TMEM94: variants seen among roughly 807,000 people sequenced by gnomAD.
The protein encoded by TMEM94 is transmembrane protein 94.
Under a neutral mutation model 158.6 loss-of-function variants are expected in TMEM94, and 81 were observed. The ratio of observed to expected loss-of-function variants is 0.51; its 90% CI spans 0.43 to 0.61. The LOEUF (loss-of-function observed/expected upper bound fraction) is 0.61, where lower values mean the gene tolerates loss of function less well. Among genes scored for constraint, TMEM94 ranks in the 20% least tolerant of loss-of-function variants. The probability of loss-of-function intolerance (pLI) is 0.00; values close to 1 mark genes in which losing one functional copy is unlikely to be tolerated. For missense variants in TMEM94, 1,435 were observed against 1,762.0 expected (o/e 0.81, Z 3.32); for synonymous variants, 751 against 730.7 (o/e 1.03, Z -0.45).
chr17:75,488,655 A>T, intron 6 of TMEM94, 104 bp from the exon 7 acceptor site: 1 of 1,379,966 alleles, frequency 7.2e-7, no homozygotes, highest in Non-Finnish European at 1.0e-6. Flanking sequence ...GGGCTAACTG[A>T]TGGCTCCTAA....
Position 75,499,496 on chromosome 17 carries a change from C to T in TMEM94, c.*162C>T. 1 of 676,230 alleles carries T rather than the reference C, an allele frequency of 1.5e-6. No individual in the cohort carries two copies. Among genetic ancestry groups the T allele is most frequent in the Non-Finnish European group, 2.5e-6 (1 of 397,226 alleles). 41.9% of individuals were successfully genotyped at this position (676,230 alleles called of 1,614,324 possible). ...GTCAGACCCCGCTGTCTTCCTGAGC[C>T]CTGGGGCTCACTGTGGAGGAGCTGA... On this transcript the variant is annotated 3_prime_UTR_variant, in exon 32 of 32. Coordinates refer to ENST00000314256, the MANE Select transcript of TMEM94 (RefSeq NM_014738.6).
At chr17:75,486,954 C>G (rs1405333191) in intron 5 of TMEM94, among the ~76,000 whole-genome samples, 1 of 152,098 alleles carries the variant, frequency 6.6e-6, no homozygotes, top group Non-Finnish European at 1.5e-5. Context: ...TGTTGAGGCT[C>G]TTTTGAGGGA....
In TMEM94 at chr17:75,498,862, G is replaced by A; in HGVS notation, c.3828-50G>A. 6.6e-7 allele frequency: 1 copy of A among 1,525,478 alleles called. No individual in the cohort carries two copies. The highest frequency in any genetic ancestry group is 8.8e-7 in the Non-Finnish European group (1 of 1,136,524). The allele number at this position is 1,525,478 out of a possible 1,614,324, so 94.5% of individuals were successfully genotyped here. A position where few individuals can be genotyped will look rare whatever the true frequency, so the allele number is the denominator to read the frequency against. On this transcript the variant is annotated intron_variant, in intron 30 of 31. Coordinates refer to ENST00000314256, the MANE Select transcript of TMEM94 (RefSeq NM_014738.6). The surrounding 1 kb of genome is among the most constrained non-coding windows in gnomAD (Gnocchi z 6.7). ...CTAACTGTTGTACTGGGAAGAGCAG[G>A]GAAGGAAGCAAGCAGTGTCGGGTTC...
At chr17:75,488,255 G>C in intron 6 of TMEM94, 121 bp downstream of exon 6, 1 of 880,152 alleles carries the variant, frequency 1.1e-6, no homozygotes, top group Non-Finnish European at 1.8e-6. Flanking sequence ...TTTGGCAGAG[G>C]CTCTGGAACA....
chr17:75,476,783 T>G, intron 2 of TMEM94: 2 of 1,535,526 alleles, frequency 1.3e-6, no homozygotes, highest in Non-Finnish European at 1.7e-6. Flanking sequence ...CTCTTTAAAA[T>G]GCTGTGTTCC....
chr17:75,456,875 T>C (rs34042490), intron 1 of TMEM94, 124 bp downstream of exon 1: 97,012 of 152,376 alleles, frequency 0.64, 34,465 homozygotes, highest in Non-Finnish European at 0.81. Context: ...AGAGAACGGC[T>C]TAAGGGGATG....
At chr17:75,483,907 T>C (rs2051371019) in intron 2 of TMEM94, among the ~76,000 whole-genome samples, 2 of 152,116 alleles carry the variant, frequency 1.3e-5, no homozygotes, top group South Asian at 2.1e-4. Context: ...TCTGTGACTG[T>C]GGATGAGGTT....
chr17:75,488,169 G>C, intron 6 of TMEM94, 35 bp downstream of exon 6: 1 of 1,602,800 alleles, frequency 6.2e-7, no homozygotes, highest in South Asian at 1.1e-5. Context: ...TTGGAAATGC[G>C]GTGGGAACAT....
chr17:75,493,935 C>T lies in TMEM94; in HGVS notation c.2407+19C>T. ...TCTGACGGTACCTCATGGGTCTGTC[C>T]AGCGGGGCTGGTGCTGGGGCTCCCC... On this transcript the variant is annotated intron_variant, in intron 18 of 31. Coordinates refer to ENST00000314256, the MANE Select transcript of TMEM94 (RefSeq NM_014738.6). The T allele has an allele frequency of 6.3e-7, 1 of 1,597,800 alleles. No homozygotes were observed. Among genetic ancestry groups the T allele is most frequent in the South Asian group, 1.1e-5 (1 of 90,838 alleles).
intron 1 of TMEM94, among the ~76,000 whole-genome samples, chr17:75,459,284 ATCT>A (rs1305324506): frequency 2.0e-5 from 3 of 152,130 alleles, no homozygotes; most frequent in African/African-American, 7.2e-5. Flanking sequence ...AGTACAAACC[ATCT>A]TCTTCATCAT....
At chr17:75,461,120 A>G (rs2050052258) in intron 1 of TMEM94, among the ~76,000 whole-genome samples, 1 of 104,522 alleles carries the variant, frequency 9.6e-6, no homozygotes, top group South Asian at 2.9e-4. Flanking sequence ...TTTTTTTGAG[A>G]CAGAGTTTTG....
At chr17:75,490,154 T>C in intron 9 of TMEM94, 80 bp from the exon 10 acceptor site, 1 of 1,551,512 alleles carries the variant, frequency 6.4e-7, no homozygotes, top group African/African-American at 1.4e-5. Flanking sequence ...GGAATGGCCG[T>C]GGGGCCAGGG....
At chr17:75,467,687 C>T (rs1367700140) in intron 1 of TMEM94, among the ~76,000 whole-genome samples, 10 of 151,214 alleles carry the variant, frequency 6.6e-5, no homozygotes, top group African/African-American at 2.2e-4. Context: ...CGCCCGCCAC[C>T]GCGCCCGGCT....
chr17:75,484,118 C>T (rs1402850234), intron 2 of TMEM94, among the ~76,000 whole-genome samples: 1 of 152,200 alleles, frequency 6.6e-6, no homozygotes, highest in African/African-American at 2.4e-5. Context: ...CTGTCCACAC[C>T]TTGTCCCATT....
rs2052105603 is a variant in TMEM94, at chr17:75,490,815, G to T, written c.1128+57G>T. ...CAGGTCCCTAGAGCCATAACCCTGG[G>T]ACTCCCCTATTTATGGCCTTAAAGC... On this transcript the variant is annotated intron_variant, in intron 11 of 31. Coordinates refer to ENST00000314256, the MANE Select transcript of TMEM94 (RefSeq NM_014738.6). 19 of 1,517,470 alleles carry T rather than the reference G, an allele frequency of 1.3e-5. No individual in the cohort carries two copies. The South Asian group carries it at 2.0e-4, about 16-fold the overall frequency. The allele number at this position is 1,517,470 out of a possible 1,614,324, so 94.0% of individuals were successfully genotyped here. A position where few individuals can be genotyped will look rare whatever the true frequency, so the allele number is the denominator to read the frequency against.
Position 75,495,366 on chromosome 17 carries a change from C to A in TMEM94, c.2811C>A (p.Ser937Arg). 1 of 1,613,846 alleles carries A rather than the reference C, an allele frequency of 6.2e-7. No individual in the cohort carries two copies. Among genetic ancestry groups the A allele is most frequent in the Non-Finnish European group, 8.5e-7 (1 of 1,179,946 alleles). ...SDLISFQPTD[S>R]DIPSFLEDSN... ...TCATCAGCTTCCAGCCTACGGACAG[C>A]GACATCCCCAGCTTCCTGGAGGACT... Residue 937 changes from serine to arginine, a missense_variant, in exon 21 of 32, where the codon AGC becomes AGA. Around this residue, in one of 3 missense-constraint regions of TMEM94, gnomAD observed 1,051 missense variants for 1,254.4 expected, o/e 0.84. Transcript: ENST00000314256. This position sits in a 1 kb window ranked among gnomAD's most constrained non-coding sequence, Gnocchi z 5.6.
intron 2 of TMEM94, among the ~76,000 whole-genome samples, chr17:75,475,767 A>T (rs2050661534): frequency 6.6e-6 from 1 of 152,160 alleles, no homozygotes; most frequent in Non-Finnish European, 1.5e-5. Context: ...GTGTGTCTGA[A>T]TGTATTGGGG....
intron 1 of TMEM94, among the ~76,000 whole-genome samples, chr17:75,470,933 A>G (rs1325827869): frequency 6.6e-6 from 1 of 150,488 alleles, no homozygotes; most frequent in Non-Finnish European, 1.5e-5. Context: ...TAATAATAAT[A>G]ATAATAATAA....
chr17:75,492,487 T>TCC lies in TMEM94; in HGVS notation c.1610_1611insCC (p.Met537IlefsTer21). ...CATTTCCCCCAGACCCAGCCTGGGA[T>TCC]GGAGAGCGACCCCTACGAAGCAGAG... On this transcript the variant is annotated frameshift_variant, in exon 15 of 32. Coordinates refer to ENST00000314256, the MANE Select transcript of TMEM94 (RefSeq NM_014738.6). LOFTEE classifies it high-confidence loss of function. The surrounding 1 kb of genome is among the most constrained non-coding windows in gnomAD (Gnocchi z 4.4). 1 of 1,585,934 alleles carries TCC rather than the reference T, an allele frequency of 6.3e-7. No homozygotes were observed. The highest frequency in any genetic ancestry group is 8.6e-7 in the Non-Finnish European group (1 of 1,162,396).
Sources: allele counts gnomAD v4.1 joint callset (sites outside exome capture counted in the v4.1 genomes callset), GRCh38; gene constraint gnomAD v4.1.1; regional missense constraint gnomAD v4.1.1; non-coding constraint Gnocchi (gnomAD v3.1); transcripts MANE v1.5; gene names NCBI Gene and HGNC (gene_info 2026-07-23, HGNC 2026-07-21).